Variants in KCNH1 observed in about 807,000 individuals in gnomAD.
The protein encoded by KCNH1 is voltage-gated delayed rectifier potassium channel KCNH1.
Under a neutral mutation model 69.2 loss-of-function variants are expected in KCNH1, and 27 were observed. The ratio of observed to expected loss-of-function variants is 0.39; its 90% confidence interval spans 0.29 to 0.54. The LOEUF is 0.54. Ranked by LOEUF, KCNH1 falls within the 20% of genes least tolerant of loss-of-function variation. The pLI is 0.68. For synonymous variants in KCNH1, 456 were observed against 487.7 expected (o/e 0.93, Z 0.86); for missense variants, 798 against 1,261.6 (o/e 0.63, Z 5.57).
intron 6 of KCNH1, among the ~76,000 whole-genome samples, chr1:210,983,807 A>G (rs1688766766): frequency 6.6e-6 from 1 of 152,172 alleles, no homozygotes; most frequent in South Asian, 2.1e-4. Flanking sequence ...AATTCTGTGA[A>G]GAAAGTCATT....
chr1:210,776,382 T>C (rs1683861667), intron 9 of KCNH1, among the ~76,000 whole-genome samples: 1 of 152,126 alleles, frequency 6.6e-6, no homozygotes, highest in African/African-American at 2.4e-5. Flanking sequence ...AATAAGTCAA[T>C]AGAATAATGC....
chr1:211,019,202 T>A lies in KCNH1; in HGVS notation c.613A>T (p.Thr205Ser). The change falls in exon 6 of 11, where the codon ACT becomes TCT. Residue 205 changes from threonine (T) to serine (S), a missense_variant. Coordinates refer to ENST00000271751, the MANE Select transcript of KCNH1 (RefSeq NM_172362.3). Reference sequence around the variant, plus strand: ...TAATGTAAGATGATGTGAGGGGGAGTCTTTGGTGCCTCTTGCTTGTACTGG... The same window carrying A: ...TAATGTAAGATGATGTGAGGGGGAGACTTTGGTGCCTCTTGCTTGTACTGG... ...LPQYKQEAPK[T>S]PPHIILHYCV... is the part of the protein sequence containing the mutation. 1.9e-6 allele frequency: 3 copies of A among 1,612,782 alleles called. No homozygotes were observed.
intron 7 of KCNH1, among the ~76,000 whole-genome samples, chr1:210,892,703 A>G (rs1288585401): frequency 2.6e-5 from 4 of 152,214 alleles, no homozygotes; most frequent in Non-Finnish European, 2.9e-5. Flanking sequence ...ACAATAATAC[A>G]GTGGAATCTA....
chr1:210,834,540 G>T (rs1685240770), intron 7 of KCNH1, among the ~76,000 whole-genome samples: 3 of 104,096 alleles, frequency 2.9e-5, no homozygotes, highest in South Asian at 8.9e-4. Context: ...GTTGTGGGGT[G>T]GGGGGAGGGG....
At chr1:210,800,724 G>T (rs540038790) in intron 8 of KCNH1, among the ~76,000 whole-genome samples, 2 of 151,362 alleles carry the variant, frequency 1.3e-5, no homozygotes, top group Non-Finnish European at 2.9e-5. Context: ...ACCCCACCCC[G>T]GCCACCTTTC....
chr1:210,806,854 T>TAAAA lies in KCNH1; in HGVS notation c.1463-2689_1463-2688insTTTT, dbSNP rs1558477913. ...AAAAAAAAATATATATATATATATATAAATTTGCCGGGCATGGTGGTGCAC... is the reference window on the plus strand; with the variant it reads ...AAAAAAAAATATATATATATATATATAAAAAAATTTGCCGGGCATGGTGGTGCAC... On this transcript the variant is annotated intron_variant, in intron 7 of 10. Coordinates refer to ENST00000271751, the MANE Select transcript of KCNH1 (RefSeq NM_172362.3). 1.1e-4 allele frequency among the ~76,000 whole-genome samples: 13 copies of TAAAA among 122,380 alleles called. 1 individual carries two copies. Among genetic ancestry groups the TAAAA allele is most frequent in the African/African-American group, 3.6e-4 (11 of 30,918 alleles). The allele number at this position is 122,380 out of a possible 152,430, so 80.3% of individuals were successfully genotyped here.
intron 10 of KCNH1, among the ~76,000 whole-genome samples, chr1:210,754,715 A>T (rs536330090): frequency 6.6e-6 from 1 of 152,250 alleles, no homozygotes; most frequent in Non-Finnish European, 1.5e-5. Context: ...AGCCAAGCAG[A>T]TGCTGGCACC....
chr1:211,107,527 A>G (rs1354925971), intron 1 of KCNH1, 150 bp from the exon 2 acceptor site: 3 of 757,412 alleles, frequency 4.0e-6, no homozygotes, highest in Non-Finnish European at 6.2e-6. Context: ...CCCTGTAAGG[A>G]ATATAAAACA....
chr1:210,689,790 CAG>C (rs1478831818), intron 10 of KCNH1, among the ~76,000 whole-genome samples: 2 of 152,224 alleles, frequency 1.3e-5, no homozygotes, highest in African/African-American at 2.4e-5. Flanking sequence ...GGCTACACGT[CAG>C]AACCCACTGA....
intron 7 of KCNH1, chr1:210,860,135 T>G: frequency 8.5e-7 from 1 of 1,172,528 alleles, no homozygotes; most frequent in Non-Finnish European, 1.3e-6. Context: ...CTGTATATCA[T>G]TTCAAGATAC....
At chr1:210,861,600 G>A (rs1292305177) in intron 7 of KCNH1, 1 of 771,658 alleles carries the variant, frequency 1.3e-6, no homozygotes, top group African/African-American at 1.7e-5. Context: ...TGGTTTATCA[G>A]TTCCAGTGGT....
At chr1:210,684,237 A>G (rs1202809086) in intron 10 of KCNH1, 99 bp from the exon 11 acceptor site, 2 of 1,283,096 alleles carry the variant, frequency 1.6e-6, no homozygotes, top group African/African-American at 1.5e-5. Context: ...CTCTGCTTCC[A>G]GTCCACCTGC....
At chr1:210,696,308 C>A (rs568219916) in intron 10 of KCNH1, among the ~76,000 whole-genome samples, 1 of 152,202 alleles carries the variant, frequency 6.6e-6, no homozygotes, top group African/African-American at 2.4e-5. Context: ...TGCCCTTTTG[C>A]GCTCCCAGCA....
At chr1:211,109,679 G>A (rs1461535505) in intron 1 of KCNH1, among the ~76,000 whole-genome samples, 1 of 151,818 alleles carries the variant, frequency 6.6e-6, no homozygotes, top group Non-Finnish European at 1.5e-5. Context: ...ATTTTCTCTT[G>A]TATACCAGAC....
chr1:211,028,496 A>C (rs1558574038), intron 5 of KCNH1, among the ~76,000 whole-genome samples: 1 of 152,072 alleles, frequency 6.6e-6, no homozygotes, highest in Non-Finnish European at 1.5e-5. Context: ...ACAAGAGGAA[A>C]TCAGTGGTCT....
At chr1:210,896,298 A>T (rs1433172818) in intron 7 of KCNH1, among the ~76,000 whole-genome samples, 1 of 145,518 alleles carries the variant, frequency 6.9e-6, no homozygotes, top group East Asian at 2.0e-4. Flanking sequence ...CGGGATCTTT[A>T]AAAAAAAAAA....
intron 1 of KCNH1, among the ~76,000 whole-genome samples, chr1:211,114,725 G>A (rs375347804): frequency 1.3e-5 from 2 of 152,106 alleles, no homozygotes; most frequent in Non-Finnish European, 2.9e-5. Context: ...ACAGATGGGC[G>A]TTCTACATCC....
intron 5 of KCNH1, among the ~76,000 whole-genome samples, chr1:211,032,258 AAG>A (rs1689799776): frequency 6.6e-6 from 1 of 152,184 alleles, no homozygotes; most frequent in African/African-American, 2.4e-5. Context: ...AGTGAAATAA[AAG>A]AGGATACAAA....
At chr1:210,775,936 T>C (rs1207071392) in intron 9 of KCNH1, among the ~76,000 whole-genome samples, 1 of 152,240 alleles carries the variant, frequency 6.6e-6, no homozygotes, top group African/African-American at 2.4e-5. Flanking sequence ...CTCAACTTGA[T>C]AGCTCATGTG....
Sources: allele counts gnomAD v4.1 joint callset (sites outside exome capture counted in the v4.1 genomes callset), GRCh38; gene constraint gnomAD v4.1.1; transcripts MANE v1.5; gene names NCBI Gene and HGNC (gene_info 2026-07-23, HGNC 2026-07-21).